The following CSF1 variants were observed in gnomAD, a reference collection of about 807,000 sequenced individuals.
The protein encoded by CSF1 is colony stimulating factor 1.
CSF1 carries 9 observed loss-of-function variants against 48.9 expected under a neutral mutation model. The observed-to-expected ratio is 0.18, with a 90% CI of 0.11 to 0.32. CSF1 has a LOEUF of 0.32. Ranked by LOEUF, CSF1 falls within the 10% of genes least tolerant of loss-of-function variation. The pLI, the probability that CSF1 is intolerant of heterozygous loss-of-function variation, is 1.00. For synonymous variants in CSF1, 305 were observed against 284.1 expected, an observed-to-expected ratio of 1.07 and a Z score of -0.74; for missense variants, 672 against 697.9, an observed-to-expected ratio of 0.96 and a Z score of 0.42.
chr1:109,913,015 G>T (rs1208072804), intron 1 of CSF1, among the ~76,000 whole-genome samples: 1 of 152,158 alleles, frequency 6.6e-6, no homozygotes, highest in Non-Finnish European at 1.5e-5. Context: ...ATCTTTCAAG[G>T]CCTCACTGAG....
At chr1:109,915,588 T>G in intron 2 of CSF1, 46 bp from the exon 3 acceptor site, 256 of 1,527,504 alleles carry the variant, frequency 1.7e-4, no homozygotes, top group Non-Finnish European at 2.1e-4. Context: ...AAGGCTGAGT[T>G]GAGCTGTAGG....
intron 1 of CSF1, 59 bp from the exon 2 acceptor site, chr1:109,914,200 G>A: frequency 1.3e-6 from 2 of 1,537,776 alleles, no homozygotes; most frequent in Non-Finnish European, 1.8e-6. Flanking sequence ...GTTGAGCAGG[G>A]CATGGGGATA....
chr1:109,917,213 T>C, intron 3 of CSF1, 80 bp from the exon 4 acceptor site: 1 of 1,486,268 alleles, frequency 6.7e-7, no homozygotes. Flanking sequence ...GAGAGCAAGC[T>C]GCAACCCTCC....
At chr1:109,917,525 T>A in intron 4 of CSF1, 62 bp downstream of exon 4, 1 of 1,514,406 alleles carries the variant, frequency 6.6e-7, no homozygotes, top group Non-Finnish European at 9.1e-7. Context: ...GAGGCGCCGC[T>A]CTATCCACAG....
intron 4 of CSF1, among the ~76,000 whole-genome samples, chr1:109,921,269 C>T (rs1647524345): frequency 6.6e-6 from 1 of 152,232 alleles, no homozygotes; most frequent in South Asian, 2.1e-4. Flanking sequence ...TTGCCACGCT[C>T]CTCCTAGATG....
At chr1:109,917,203 G>T in intron 3 of CSF1, 90 bp from the exon 4 acceptor site, 1 of 1,400,560 alleles carries the variant, frequency 7.1e-7, no homozygotes, top group East Asian at 2.3e-5. Flanking sequence ...GGGGAAGGGG[G>T]AGAGCAAGCT....
At chr1:109,915,406 G>A (rs933253757) in intron 2 of CSF1, among the ~76,000 whole-genome samples, 8 of 152,068 alleles carry the variant, frequency 5.3e-5, no homozygotes, top group Non-Finnish European at 8.8e-5. Flanking sequence ...GATTTCGTGG[G>A]GTGGTAGAAG....
intron 1 of CSF1, among the ~76,000 whole-genome samples, chr1:109,913,823 A>T (rs940767672): frequency 6.6e-6 from 1 of 152,236 alleles, no homozygotes; most frequent in South Asian, 2.1e-4. Context: ...CTGGCTTGCC[A>T]TCTGAAAGCC....
chr1:109,917,559 C>T, intron 4 of CSF1, 96 bp downstream of exon 4: 13 of 1,203,124 alleles, frequency 1.1e-5, no homozygotes, highest in East Asian at 4.7e-5. Context: ...TCGCTCACCT[C>T]GCCTCACGCC....
chr1:109,912,166 A>G (rs1346351041), intron 1 of CSF1, among the ~76,000 whole-genome samples: 1 of 152,032 alleles, frequency 6.6e-6, no homozygotes, highest in Non-Finnish European at 1.5e-5. Flanking sequence ...CAGAAAGCAA[A>G]GCTTCGGGGC....
rs1227499653 is a variant in CSF1 at position 109,923,890 on chromosome 1, A to G, written c.1269A>G (p.Pro423=). 6.2e-7 allele frequency: 1 copy of G among 1,613,968 alleles called. No individual in the cohort carries two copies. The highest frequency in any genetic ancestry group is 8.5e-7 in the Non-Finnish European group (1 of 1,179,936). Reference sequence around the variant, plus strand: ...ACCCCTCCACCCTCTCTGCTCAGCCACAGCTTTCCAGAAGCCACTCCTCGG... The same window carrying G: ...ACCCCTCCACCCTCTCTGCTCAGCCGCAGCTTTCCAGAAGCCACTCCTCGG... ...LSNPSTLSAQ[P]QLSRSHSSGS... Residue 423 remains proline, a synonymous_variant, in exon 6 of 9, where the codon CCA becomes CCG. Coordinates refer to ENST00000329608, the MANE Select transcript of CSF1 (RefSeq NM_000757.6).
At chr1:109,918,292 G>A (rs1024019606) in intron 4 of CSF1, among the ~76,000 whole-genome samples, 2 of 152,162 alleles carry the variant, frequency 1.3e-5, no homozygotes, top group African/African-American at 4.8e-5. Context: ...GTGAAGGAGG[G>A]GGAGGAGAGA....
intron 4 of CSF1, 126 bp from the exon 5 acceptor site, chr1:109,921,721 G>A (rs1647551591): frequency 8.2e-7 from 1 of 1,219,604 alleles, no homozygotes; most frequent in South Asian, 1.8e-5. Flanking sequence ...CCAGGGGAAA[G>A]GGGAGCAAGG....
At chr1:109,917,930 G>A (rs759936930) in intron 4 of CSF1, among the ~76,000 whole-genome samples, 19 of 152,174 alleles carry the variant, frequency 1.2e-4, no homozygotes, top group Non-Finnish European at 2.5e-4. Context: ...AACAAAATAT[G>A]TAAGTAAAAT....
At chr1:109,915,822 T>C in intron 3 of CSF1, 126 bp downstream of exon 3, 1 of 805,644 alleles carries the variant, frequency 1.2e-6, no homozygotes, top group South Asian at 1.5e-5. Context: ...TGAGGATCCA[T>C]GGGTGCTCAA....
chr1:109,923,726 AG>A lies in CSF1; in HGVS notation c.1108del (p.Val370TrpfsTer4). 6.2e-7 allele frequency: 1 copy of A among 1,612,156 alleles called. No homozygotes were observed. Among genetic ancestry groups the A allele is most frequent in the Non-Finnish European group, 8.5e-7 (1 of 1,178,940 alleles). ...AGATGTAACTGGTACCGCCTTGCCC[AG>A]GGTGGGCCCCGTGAGGCCCACTGGC... is the stretch of plus-strand genomic sequence containing the variant. ...PADVTGTALP[R>X]VGPVRPTGQD... On this transcript the variant is annotated frameshift_variant, in exon 6 of 9. Coordinates refer to ENST00000329608, the MANE Select transcript of CSF1 (RefSeq NM_000757.6). LOFTEE classifies it high-confidence loss of function.
At chr1:109,917,513 T>G (rs1473575897) in intron 4 of CSF1, 50 bp downstream of exon 4, 1 of 1,581,706 alleles carries the variant, frequency 6.3e-7, no homozygotes, top group East Asian at 2.2e-5. Context: ...AGGGTGGCTG[T>G]GGAGGCGCCG....
At position 109,924,824 on chromosome 1, in the gene CSF1, G is replaced by A. The variant is rs1282689829; in HGVS notation, c.1618G>A (p.Gly540Ser). 6.2e-7 allele frequency: 1 copy of A among 1,605,944 alleles called. No homozygotes were observed. The highest frequency in any genetic ancestry group is 1.7e-5 in the Admixed American group (1 of 58,876). The change falls in exon 7 of 9, where the codon GGC (glycine) becomes AGC (serine). Residue 540 changes from glycine to serine, a missense_variant. By Grantham distance (56) the Gly-to-Ser change is moderately conservative. This residue lies in a region of CSF1 where 591 missense variants were observed against 593.6 expected (regional missense o/e 1.00). Coordinates refer to ENST00000329608, the MANE Select transcript of CSF1 (RefSeq NM_000757.6). ...RADSPLEQPEGSPLTQDDRQV... is the reference protein window; with the variant it reads ...RADSPLEQPESSPLTQDDRQV... ...GGATTCTCCCTTGGAGCAACCAGAG[G>A]GCAGGTGAGAGCTTGAGGTGGGGCT... is the stretch of plus-strand genomic sequence containing the variant.
chr1:109,924,221 C>T (rs755086255), intron 6 of CSF1, 31 bp downstream of exon 6: 5 of 1,563,734 alleles, frequency 3.2e-6, no homozygotes, highest in South Asian at 1.2e-5. Flanking sequence ...AAGAAGAGCA[C>T]GTCCCTTAGG....
Sources: gnomAD v4.1 joint callset for allele counts (sites outside exome capture counted in the v4.1 genomes callset) on GRCh38, gnomAD v4.1.1 for gene constraint, gnomAD v4.1.1 regional missense constraint, MANE v1.5 for transcripts, NCBI Gene and HGNC (gene_info 2026-07-23, HGNC 2026-07-21) for gene names.